The following PTAFR variants were observed in gnomAD, a reference collection of about 807,000 sequenced individuals.
PTAFR encodes the protein platelet activating factor receptor.
Under a neutral mutation model 14.7 loss-of-function variants are expected in PTAFR, and 8 were observed. The observed-to-expected ratio is 0.54, with a 90% CI of 0.32 to 0.98. The LOEUF (loss-of-function observed/expected upper bound fraction) is 0.98. PTAFR is among the 50% of genes least tolerant of loss of function. PTAFR has a pLI of 0.04. For missense variants in PTAFR, 337 were observed against 451.2 expected, an observed-to-expected ratio of 0.75 and a Z score of 2.29; for synonymous variants, 156 against 176.5, an observed-to-expected ratio of 0.88 and a Z score of 0.92.
chr1:28,162,882 G>A (rs752931725), intron 1 of PTAFR, among the ~76,000 whole-genome samples: 11 of 149,112 alleles, frequency 7.4e-5, no homozygotes, highest in East Asian at 3.9e-4. Flanking sequence ...ATTCCCAGGC[G>A]ATTCGTGCAC....
intron 1 of PTAFR, among the ~76,000 whole-genome samples, chr1:28,157,164 G>C (rs554252079): frequency 1.2e-4 from 18 of 152,200 alleles, no homozygotes; most frequent in African/African-American, 4.1e-4. Context: ...TTTTGAGACA[G>C]GGCTTGGCTC....
chr1:28,167,632 G>GGTTTTT (rs1557691575), intron 1 of PTAFR, among the ~76,000 whole-genome samples: 1 of 109,224 alleles, frequency 9.2e-6, no homozygotes, highest in African/African-American at 4.3e-5. Flanking sequence ...CTGAAAACGG[G>GGTTTTT]ATTTTTTTTT....
chr1:28,172,038 C>A (rs1343437984), intron 1 of PTAFR, among the ~76,000 whole-genome samples: 1 of 151,982 alleles, frequency 6.6e-6, no homozygotes, highest in African/African-American at 2.4e-5. Flanking sequence ...GGGGTTGAGA[C>A]TGAATCTCAG....
At chr1:28,165,462 C>A (rs1198298196) in intron 1 of PTAFR, among the ~76,000 whole-genome samples, 11 of 141,466 alleles carry the variant, frequency 7.8e-5, no homozygotes, top group African/African-American at 2.6e-4. Flanking sequence ...ACCAAGGAGG[C>A]AAAAGACTTG....
At chr1:28,164,160 C>T (rs150667279) in intron 1 of PTAFR, among the ~76,000 whole-genome samples, 73 of 152,278 alleles carry the variant, frequency 4.8e-4, no homozygotes, top group African/African-American at 1.7e-3. Context: ...GGGAGATGGA[C>T]AGAAGGAGGT....
At chr1:28,182,767 G>A (rs1646572600) in intron 1 of PTAFR, among the ~76,000 whole-genome samples, 2 of 152,036 alleles carry the variant, frequency 1.3e-5, no homozygotes, top group African/African-American at 2.4e-5. Flanking sequence ...TGCAACCTCC[G>A]CCTCCCGCTT....
intron 1 of PTAFR, among the ~76,000 whole-genome samples, chr1:28,152,166 G>A (rs1203046432): frequency 6.6e-6 from 1 of 151,992 alleles, no homozygotes; most frequent in Non-Finnish European, 1.5e-5. Flanking sequence ...CAAAGTGCTG[G>A]GATTACAGGC....
chr1:28,166,506 T>C (rs1646386601), intron 1 of PTAFR, among the ~76,000 whole-genome samples: 1 of 152,006 alleles, frequency 6.6e-6, no homozygotes, highest in South Asian at 2.1e-4. Flanking sequence ...ATCCCGTCTC[T>C]ACAAAAATAC....
intron 1 of PTAFR, among the ~76,000 whole-genome samples, chr1:28,173,421 C>T (rs922989143): frequency 1.3e-5 from 2 of 151,876 alleles, no homozygotes; most frequent in Non-Finnish European, 2.9e-5. Context: ...GCCTGGGCAT[C>T]ATGTCAAACC....
At chr1:28,153,904 A>G (rs1646227408) in intron 1 of PTAFR, among the ~76,000 whole-genome samples, 1 of 151,678 alleles carries the variant, frequency 6.6e-6, no homozygotes, top group South Asian at 2.1e-4. Flanking sequence ...AAGAAAAAAA[A>G]TTAGCAAGGC....
intron 1 of PTAFR, among the ~76,000 whole-genome samples, chr1:28,155,495 A>G (rs919713681): frequency 1.3e-5 from 2 of 152,124 alleles, no homozygotes; most frequent in African/African-American, 4.8e-5. Context: ...GGCGTGAGCC[A>G]TCTCGCCTGG....
intron 1 of PTAFR, among the ~76,000 whole-genome samples, chr1:28,158,750 G>A (rs933979435): frequency 7.9e-5 from 12 of 152,118 alleles, no homozygotes; most frequent in African/African-American, 2.2e-4. Flanking sequence ...GTTAGTCTAA[G>A]GAGTCTGGAC....
rs1439746922 is a variant in PTAFR at position 28,157,638 on chromosome 1, T to A, written c.-38-6579A>T. On this transcript the variant is annotated intron_variant, in intron 1 of 1. Coordinates refer to ENST00000373857, the MANE Select transcript of PTAFR (RefSeq NM_000952.5). The stretch of plus-strand genomic sequence containing the variant: ...TTTTTGCATTAATTTTGATTTTTTT[T>A]TTTTTTTTGAGGTGGAGTCTCCCTC... Among the ~76,000 whole-genome samples the A allele has an allele frequency of 2.0e-5, 3 of 151,162 alleles. No homozygotes were observed. In the East Asian group the frequency reaches 5.8e-4, roughly 29 times the overall value.
chr1:28,157,609 A>AT (rs1241200958), intron 1 of PTAFR, among the ~76,000 whole-genome samples: 2 of 148,886 alleles, frequency 1.3e-5, no homozygotes, highest in Admixed American at 6.7e-5. Flanking sequence ...GTTTATCATA[A>AT]TTTTTTTTGC....
upstream of PTAFR, among the ~76,000 whole-genome samples, chr1:28,180,819 G>C (rs1407222873): frequency 6.6e-6 from 1 of 151,186 alleles, no homozygotes. Flanking sequence ...AAAATAAGAA[G>C]AAAGGAAGGA....
At chr1:28,183,958 C>CA (rs1489802780) in intron 1 of PTAFR, among the ~76,000 whole-genome samples, 2 of 151,948 alleles carry the variant, frequency 1.3e-5, no homozygotes, top group African/African-American at 4.8e-5. Context: ...ATGATAGATC[C>CA]AAAATCTTGC....
upstream of PTAFR, among the ~76,000 whole-genome samples, chr1:28,179,924 C>T (rs1646549103): frequency 1.3e-5 from 2 of 152,132 alleles, no homozygotes; most frequent in African/African-American, 4.8e-5. Flanking sequence ...TAAAGGACCT[C>T]ATAAGGAAGC....
chr1:28,186,015 TCACC>T (rs1421963864), intron 1 of PTAFR, among the ~76,000 whole-genome samples: 1 of 152,204 alleles, frequency 6.6e-6, no homozygotes, highest in Non-Finnish European at 1.5e-5. Flanking sequence ...TCTTATCCTG[TCACC>T]CATGCTGGAG....
At chr1:28,165,610 C>T (rs1010534943) in intron 1 of PTAFR, among the ~76,000 whole-genome samples, 3 of 151,454 alleles carry the variant, frequency 2.0e-5, no homozygotes, top group African/African-American at 4.9e-5. Flanking sequence ...AGTGAAACCC[C>T]GTCTCTACTA....
Sources: gnomAD v4.1 joint callset for allele counts (sites outside exome capture counted in the v4.1 genomes callset) on GRCh38, gnomAD v4.1.1 for gene constraint, MANE v1.5 for transcripts, NCBI Gene and HGNC (gene_info 2026-07-23, HGNC 2026-07-21) for gene names.